CDH8: variants seen among roughly 807,000 people sequenced by gnomAD.
CDH8 encodes cadherin-8.
In CDH8, 17 loss-of-function variants were observed where a neutral mutation model predicts 68.1. The observed-to-expected ratio is 0.25, with a 90% CI of 0.17 to 0.37. CDH8 has a LOEUF of 0.37. CDH8 is among the 10% of genes least tolerant of loss of function. The pLI is 1.00. For missense variants in CDH8, 763 were observed against 999.3 expected (o/e 0.76, Z 3.19); for synonymous variants, 372 against 365.1 (o/e 1.02, Z -0.21).
Position 61,679,733 on chromosome 16 carries a change from A to G in CDH8, c.1655-24012T>C, listed in dbSNP as rs570336920. 2.1e-4 allele frequency among the ~76,000 whole-genome samples: 32 copies of G among 152,122 alleles called. No individual in the cohort carries two copies. The South Asian group carries it at 6.0e-3, about 29-fold the overall frequency. On this transcript the variant is annotated intron_variant, in intron 10 of 11. Transcript: ENST00000577390. ...GGATCAAAATATTAAATCAATCACA[A>G]ATCATTGGGCATCTGAAGGAATGTT...
chr16:61,993,933 A>G (rs1482329263), intron 2 of CDH8, among the ~76,000 whole-genome samples: 2 of 151,970 alleles, frequency 1.3e-5, no homozygotes, highest in Non-Finnish European at 2.9e-5. Flanking sequence ...ATATATCAAA[A>G]TTTATTTAAG....
At chr16:61,945,188 A>C (rs139685694) in intron 2 of CDH8, among the ~76,000 whole-genome samples, 46 of 152,280 alleles carry the variant, frequency 3.0e-4, no homozygotes, top group African/African-American at 1.1e-3. Flanking sequence ...GGAGACTTTT[A>C]AAAATTGTTT....
At chr16:61,708,890 A>C (rs556659091) in intron 10 of CDH8, among the ~76,000 whole-genome samples, 1 of 152,338 alleles carries the variant, frequency 6.6e-6, no homozygotes, top group East Asian at 1.9e-4. Context: ...TATAGGTAAT[A>C]GTAGACAACT....
intron 1 of CDH8, among the ~76,000 whole-genome samples, chr16:62,034,530 C>G (rs1567577407): frequency 6.6e-6 from 1 of 152,140 alleles, no homozygotes; most frequent in Non-Finnish European, 1.5e-5. Context: ...CCCCATCCCT[C>G]GGATCTGCTT....
At chr16:61,934,628 G>A (rs538937379) in intron 2 of CDH8, among the ~76,000 whole-genome samples, 1 of 152,184 alleles carries the variant, frequency 6.6e-6, no homozygotes, top group African/African-American at 2.4e-5. Context: ...TTAATTAATG[G>A]AAGCTTAACT....
At chr16:61,808,953 A>C (rs540615385) in intron 7 of CDH8, among the ~76,000 whole-genome samples, 1 of 152,338 alleles carries the variant, frequency 6.6e-6, no homozygotes, top group East Asian at 1.9e-4. Context: ...TGGGAGGCCA[A>C]GGCAGTCAGA....
At chr16:61,801,351 T>G (rs1013072039) in intron 7 of CDH8, among the ~76,000 whole-genome samples, 1 of 152,344 alleles carries the variant, frequency 6.6e-6, no homozygotes, top group Admixed American at 6.5e-5. Flanking sequence ...TATATTTATC[T>G]AAGGGAAGAC....
chr16:61,651,257 A>T lies in CDH8; in HGVS notation c.*2351T>A, dbSNP rs1963315784. 6.6e-6 allele frequency: 1 copy of T among 152,092 alleles called. No individual in the cohort carries two copies. Among genetic ancestry groups the T allele is most frequent in the Non-Finnish European group, 1.5e-5 (1 of 68,022 alleles). 9.4% of individuals were successfully genotyped at this position (152,092 alleles called of 1,614,324 possible). On this transcript the variant is annotated 3_prime_UTR_variant, in exon 12 of 12. Coordinates refer to ENST00000577390, the MANE Select transcript of CDH8 (RefSeq NM_001796.5). The stretch of plus-strand genomic sequence containing the variant: ...ACTGCAACTACTACTAATAATTTAC[A>T]TTCACCAAGCACTTGTTTTAGACAC...
At chr16:61,859,326 A>G (rs540980831) in intron 3 of CDH8, among the ~76,000 whole-genome samples, 1 of 152,334 alleles carries the variant, frequency 6.6e-6, no homozygotes, top group African/African-American at 2.4e-5. Flanking sequence ...TAAAAGGAAG[A>G]TAGTGAGATA....
At chr16:61,845,430 A>G in intron 4 of CDH8, among the ~76,000 whole-genome samples, 1 of 151,396 alleles carries the variant, frequency 6.6e-6, no homozygotes, top group Non-Finnish European at 1.5e-5. Context: ...GAAAGTTCCA[A>G]TAGTGCTGTG....
intron 10 of CDH8, chr16:61,693,753 T>C (rs867145220): frequency 1.3e-5 from 2 of 152,136 alleles, no homozygotes; most frequent in Non-Finnish European, 1.5e-5. Flanking sequence ...GAAAGTAAAA[T>C]TAAACCACCT....
chr16:61,803,657 G>T (rs1266456679), intron 7 of CDH8, among the ~76,000 whole-genome samples: 2 of 151,230 alleles, frequency 1.3e-5, no homozygotes, highest in Non-Finnish European at 3.0e-5. Flanking sequence ...AAAAAGGCAG[G>T]GGTTGCAATC....
At chr16:61,807,441 C>A (rs1432996894) in intron 7 of CDH8, among the ~76,000 whole-genome samples, 2 of 151,644 alleles carry the variant, frequency 1.3e-5, no homozygotes, top group Non-Finnish European at 2.9e-5. Context: ...CTAACCTGCA[C>A]AATGTGCACA....
chr16:61,673,804 T>C (rs1034970410), intron 10 of CDH8, among the ~76,000 whole-genome samples: 1 of 152,102 alleles, frequency 6.6e-6, no homozygotes, highest in Non-Finnish European at 1.5e-5. Flanking sequence ...GAGCTGAAGA[T>C]ACAGAGATAG....
chr16:61,669,972 G>A (rs1014254611), intron 10 of CDH8, among the ~76,000 whole-genome samples: 1 of 152,008 alleles, frequency 6.6e-6, no homozygotes, highest in Non-Finnish European at 1.5e-5. Context: ...TCAGCCTTAT[G>A]ACTCTCCCAC....
intron 2 of CDH8, among the ~76,000 whole-genome samples, chr16:62,017,181 C>G (rs1416410031): frequency 1.3e-5 from 2 of 152,026 alleles, no homozygotes; most frequent in Non-Finnish European, 2.9e-5. Context: ...TCTGGGAATA[C>G]AGAGCAAAGA....
rs4784162 is a variant in CDH8, at chr16:61,782,055, G to A, written c.1414+7291C>T. 0.022 allele frequency among the ~76,000 whole-genome samples: 3,378 copies of A among 152,244 alleles called. 252 individuals are homozygous for A. The East Asian group carries it at 0.23, about 11-fold the overall frequency. ...CTGCATGTTCTCTGCCTGCACTCAA[G>A]GCTGCTATAAGAAACAAACATTCGG... On this transcript the variant is annotated intron_variant, in intron 8 of 11. Transcript: ENST00000577390.
intron 2 of CDH8, among the ~76,000 whole-genome samples, chr16:61,935,774 AAG>A (rs1310444470): frequency 2.0e-5 from 3 of 152,158 alleles, no homozygotes; most frequent in Non-Finnish European, 1.5e-5. Flanking sequence ...ACCTTGAAAA[AAG>A]AGAAAATAAA....
Position 61,727,086 on chromosome 16 carries a change from A to G in CDH8, c.1536+8T>C, listed in dbSNP as rs764152984. On this transcript the variant is annotated splice_region_variant and intron_variant, in intron 9 of 11. Transcript: ENST00000577390. ...CATATTCAGCATTAACAACATGGAG[A>G]TATTTACTTGGCCGGGTTTTCCATT... 1 of 1,610,462 alleles carries G rather than the reference A, an allele frequency of 6.2e-7. No homozygotes were observed. The highest frequency in any genetic ancestry group is 1.1e-5 in the South Asian group (1 of 90,948).
Sources: allele counts gnomAD v4.1 joint callset (sites outside exome capture counted in the v4.1 genomes callset), GRCh38; gene constraint gnomAD v4.1.1; transcripts MANE v1.5; gene names NCBI Gene and HGNC (gene_info 2026-07-23, HGNC 2026-07-21).